The following ENOX2 variants were observed in gnomAD, a reference collection of about 807,000 sequenced individuals.
ENOX2 encodes ecto-NOX disulfide-thiol exchanger 2.
A neutral mutation model predicts 45.0 loss-of-function variants in ENOX2; 36 were observed. The ratio of observed to expected loss-of-function variants is 0.80; its 90% CI spans 0.61 to 1.06. ENOX2 has a LOEUF of 1.06. Ranked by LOEUF, ENOX2 falls within the 50% of genes least tolerant of loss-of-function variation. The pLI is 0.00. For synonymous variants in ENOX2, 174 were observed against 152.3 expected, an observed-to-expected ratio of 1.14 and a Z score of -1.05; for missense variants, 423 against 462.5, an observed-to-expected ratio of 0.91 and a Z score of 0.78.
intron 3 of ENOX2, among the ~76,000 whole-genome samples, chrX:130,749,926 ACT>A (rs937719037): frequency 9.3e-6 from 1 of 107,960 alleles, no homozygotes; most frequent in Admixed American, 9.9e-5. Flanking sequence ...CTGTTTTGAC[ACT>A]CTCTCTGTCT....
At chrX:130,790,993 T>C (rs1404064742) in intron 2 of ENOX2, among the ~76,000 whole-genome samples, 2 of 112,145 alleles carry the variant, frequency 1.8e-5, no homozygotes, top group Non-Finnish European at 3.8e-5. Flanking sequence ...TTCAGGCTTT[T>C]TGTTTTTCCT....
At chrX:130,818,358 C>T (rs1397593039) in intron 2 of ENOX2, among the ~76,000 whole-genome samples, 1 of 111,739 alleles carries the variant, frequency 8.9e-6, no homozygotes, top group Non-Finnish European at 1.9e-5. Context: ...TTATCCCCAT[C>T]AAGCTACCAT....
intron 2 of ENOX2, among the ~76,000 whole-genome samples, chrX:130,847,026 G>T (rs1348958365): frequency 8.9e-6 from 1 of 112,357 alleles, no homozygotes; most frequent in Non-Finnish European, 1.9e-5. Flanking sequence ...TAAATGAGAA[G>T]TAGGAAGTCC....
chrX:130,718,553 T>C (rs745514439), intron 3 of ENOX2, among the ~76,000 whole-genome samples: 1 of 112,183 alleles, frequency 8.9e-6, no homozygotes, highest in South Asian at 3.7e-4. Context: ...TTGAAAGCTA[T>C]AAAATACTAT....
At chrX:130,774,559 G>T (rs906514842) in intron 3 of ENOX2, among the ~76,000 whole-genome samples, 4 of 111,980 alleles carry the variant, frequency 3.6e-5, no homozygotes, top group Non-Finnish European at 7.5e-5. Context: ...TGTTCCATAG[G>T]TATTAGCTAT....
At chrX:130,895,757 A>C (rs765212932) in intron 2 of ENOX2, among the ~76,000 whole-genome samples, 1 of 112,203 alleles carries the variant, frequency 8.9e-6, no homozygotes, top group East Asian at 2.8e-4. Context: ...TTCTCCTCCT[A>C]GATTGCCAAT....
At chrX:130,803,221 T>C (rs1003421332) in intron 2 of ENOX2, among the ~76,000 whole-genome samples, 4 of 112,255 alleles carry the variant, frequency 3.6e-5, no homozygotes, top group African/African-American at 1.3e-4. Context: ...AAATACTTTG[T>C]TTTGAAAATA....
rs1030768223 is a variant in ENOX2, at chrX:130,831,201, C to T, written c.-182-47511G>A. On this transcript the variant is annotated intron_variant, in intron 2 of 14. Transcript: ENST00000394363. Reference sequence around the variant, plus strand: ...TAATCATCTCTTACGGGTACCATTTCCCAATACTGTTAACATTGGCAATGA... The same window carrying T: ...TAATCATCTCTTACGGGTACCATTTTCCAATACTGTTAACATTGGCAATGA... Among the ~76,000 whole-genome samples, 4 of 111,153 alleles carry T rather than the reference C, an allele frequency of 3.6e-5. No homozygotes were observed. The Admixed American group carries it at 3.8e-4, about 11-fold the overall frequency.
At chrX:130,709,215 C>T (rs1414059721) in intron 3 of ENOX2, 2 of 1,171,848 alleles carry the variant, frequency 1.7e-6, no homozygotes, top group African/African-American at 1.8e-5. Flanking sequence ...TCTACAAGAA[C>T]TCAGCAACTG....
chrX:130,850,852 G>A (rs181358865), intron 2 of ENOX2, among the ~76,000 whole-genome samples: 2 of 111,601 alleles, frequency 1.8e-5, no homozygotes, highest in Non-Finnish European at 3.8e-5. Flanking sequence ...GATCAAGAAG[G>A]CAGCAGCTGC....
intron 3 of ENOX2, among the ~76,000 whole-genome samples, chrX:130,716,931 T>C (rs1230335953): frequency 8.9e-6 from 1 of 111,936 alleles, no homozygotes; most frequent in East Asian, 2.8e-4. Context: ...TTAATCTATT[T>C]GTGTGGTGTG....
At chrX:130,691,469 G>A (rs2037594974) in intron 4 of ENOX2, among the ~76,000 whole-genome samples, 1 of 111,862 alleles carries the variant, frequency 8.9e-6, no homozygotes, top group Non-Finnish European at 1.9e-5. Context: ...TTTGATCTTA[G>A]AGAACTTAAG....
intron 9 of ENOX2, 90 bp downstream of exon 9, chrX:130,665,553 C>T (rs1206804489): frequency 4.9e-6 from 3 of 612,875 alleles, no homozygotes; most frequent in African/African-American, 4.4e-5. Flanking sequence ...GAGCTTGGCA[C>T]TATTTAATTC....
At chrX:130,758,723 C>A (rs187971407) in intron 3 of ENOX2, among the ~76,000 whole-genome samples, 3 of 111,523 alleles carry the variant, frequency 2.7e-5, no homozygotes, top group Admixed American at 1.9e-4. Context: ...TGAATCCTGG[C>A]CAGAATTTGG....
At chrX:130,869,386 C>T (rs1184786111) in intron 2 of ENOX2, among the ~76,000 whole-genome samples, 3 of 111,451 alleles carry the variant, frequency 2.7e-5, no homozygotes, top group Non-Finnish European at 5.7e-5. Context: ...TTCCTTAGCA[C>T]AGTGTAAGCG....
Position 130,703,151 on chromosome X carries a change from C to A in ENOX2, c.66G>T (p.Pro22=), listed in dbSNP as rs139249797. ...ATAMNNLGMA[P]LGIAGQPILP... ...AAATTGGTTGTCCGGCAATTCCCAG[C>A]GGTGCCATTCCAAGATTATTCATTG... Residue 22 remains proline, a synonymous_variant, in exon 4 of 15, where the codon CCG becomes CCT. Transcript: ENST00000394363. The A allele has an allele frequency of 8.3e-7, 1 of 1,207,690 alleles. No homozygotes were observed. Among genetic ancestry groups the A allele is most frequent in the Non-Finnish European group, 1.1e-6 (1 of 893,003 alleles).
At chrX:130,888,729 T>C (rs2078944899) in intron 2 of ENOX2, among the ~76,000 whole-genome samples, 1 of 112,379 alleles carries the variant, frequency 8.9e-6, no homozygotes, top group Non-Finnish European at 1.9e-5. Context: ...GCTCAATTCT[T>C]ACAATTTTTA....
At chrX:130,683,246 G>A (rs752426476) in intron 5 of ENOX2, among the ~76,000 whole-genome samples, 29 of 111,795 alleles carry the variant, frequency 2.6e-4, no homozygotes, top group Non-Finnish European at 3.9e-4. Flanking sequence ...GCTTTTCAAA[G>A]GAGCATCACA....
chrX:130,738,164 T>C (rs1825870287), intron 3 of ENOX2, among the ~76,000 whole-genome samples: 1 of 112,145 alleles, frequency 8.9e-6, no homozygotes, highest in Non-Finnish European at 1.9e-5. Context: ...AACTTAGAAA[T>C]ATTGTGTAGT....
Sources: allele counts gnomAD v4.1 joint callset (sites outside exome capture counted in the v4.1 genomes callset), GRCh38; gene constraint gnomAD v4.1.1; transcripts MANE v1.5; gene names NCBI Gene and HGNC (gene_info 2026-07-23, HGNC 2026-07-21).